SLC4A7: variants seen among roughly 807,000 people sequenced by gnomAD.
The protein encoded by SLC4A7 is sodium bicarbonate cotransporter 3.
SLC4A7 carries 51 observed loss-of-function variants against 137.6 expected under a neutral mutation model. That is an observed-to-expected ratio of 0.37 (90% CI 0.30 to 0.47). The LOEUF (loss-of-function observed/expected upper bound fraction) is 0.47, where lower values mean the gene tolerates loss of function less well. Among genes scored for constraint, SLC4A7 ranks in the 20% least tolerant of loss-of-function variants. The pLI is 1.00. For missense variants in SLC4A7, 1,247 were observed against 1,525.4 expected (o/e 0.82, Z 3.04); for synonymous variants, 542 against 518.6 (o/e 1.05, Z -0.61).
rs889009282 is a variant in SLC4A7, at chr3:27,394,817, T to A, written c.2866-48A>T. On this transcript the variant is annotated intron_variant, in intron 19 of 25. Coordinates refer to ENST00000454389, the MANE Select transcript of SLC4A7 (RefSeq NM_001321103.2). ...ATATCTGTAAGTCTAAATGGTTCCC[T>A]CAATTTAAAATTCTACACGAATTAT... 13 of 1,583,132 alleles carry A rather than the reference T, an allele frequency of 8.2e-6. No individual in the cohort carries two copies. The African/African-American group carries it at 1.6e-4, about 20-fold the overall frequency.
At chr3:27,474,457 A>G (rs2059383843) in intron 1 of SLC4A7, among the ~76,000 whole-genome samples, 1 of 152,216 alleles carries the variant, frequency 6.6e-6, no homozygotes, top group South Asian at 2.1e-4. Context: ...TTTAAAGGTA[A>G]TCCCAGCACT....
chr3:27,385,826 G>A lies in SLC4A7; in HGVS notation c.3492+66C>T, dbSNP rs1576101241. The stretch of plus-strand genomic sequence containing the variant: ...ATTCATGTAAAGTGATTATAATGGT[G>A]CCTGCAATATGGTGCAAAATATTAA... On this transcript the variant is annotated intron_variant, in intron 23 of 25. Coordinates refer to ENST00000454389, the MANE Select transcript of SLC4A7 (RefSeq NM_001321103.2). The A allele has an allele frequency of 3.8e-6, 4 of 1,065,122 alleles. No individual in the cohort carries two copies. In the East Asian group the frequency reaches 7.6e-5, roughly 20 times the overall value. The allele number at this position is 1,065,122 out of a possible 1,614,324, so 66.0% of individuals were successfully genotyped here. A position where few individuals can be genotyped will look rare whatever the true frequency, so the allele number is the denominator to read the frequency against.
At chr3:27,423,509 C>T (rs1264582011) in intron 8 of SLC4A7, 6 of 152,120 alleles carry the variant, frequency 3.9e-5, no homozygotes, top group African/African-American at 1.4e-4. Flanking sequence ...ATAAAAAAAT[C>T]ATAGTTCACA....
chr3:27,426,668 C>T (rs1300620167), intron 7 of SLC4A7, among the ~76,000 whole-genome samples: 1 of 152,164 alleles, frequency 6.6e-6, no homozygotes, highest in Non-Finnish European at 1.5e-5. Flanking sequence ...TCAACATTGA[C>T]AAAGTTAGCA....
rs143347053 is a variant in SLC4A7 at position 27,431,482 on chromosome 3, G to C, written c.966C>G (p.Ser322Arg). The change falls in exon 7 of 26, where the codon AGC (serine) becomes AGG (arginine). Residue 322 changes from serine (S) to arginine (R), a missense_variant. Coordinates refer to ENST00000454389, the MANE Select transcript of SLC4A7 (RefSeq NM_001321103.2). ...VPTPQNSPPS[S>R]PSISRLTSRS... The stretch of plus-strand genomic sequence containing the variant: ...TGGAGGTCAGGCGGCTGATGCTAGG[G>C]CTAGAAGGAGGACTGTTTTGAGGGG... The C allele has an allele frequency of 1.9e-6, 3 of 1,614,164 alleles. No homozygotes were observed. Among genetic ancestry groups the C allele is most frequent in the Non-Finnish European group, 2.5e-6 (3 of 1,180,010 alleles).
intron 1 of SLC4A7, among the ~76,000 whole-genome samples, chr3:27,464,691 T>A (rs1249731072): frequency 3.3e-5 from 5 of 151,148 alleles, no homozygotes; most frequent in African/African-American, 1.2e-4. Flanking sequence ...GGACTCCGTC[T>A]CAAAAAAAAA....
intron 1 of SLC4A7, chr3:27,456,871 C>T: frequency 7.2e-7 from 1 of 1,381,806 alleles, no homozygotes; most frequent in South Asian, 1.8e-5. Flanking sequence ...ATAACTACAA[C>T]TTACACAGGG....
chr3:27,390,765 A>C (rs1269716887), intron 21 of SLC4A7, among the ~76,000 whole-genome samples: 1 of 152,164 alleles, frequency 6.6e-6, no homozygotes, highest in Non-Finnish European at 1.5e-5. Flanking sequence ...CATCCTTTTC[A>C]TGAGAAGAGG....
chr3:27,376,991 A>C (rs1253522908), intron 25 of SLC4A7, 146 bp from the exon 26 acceptor site: 2 of 360,836 alleles, frequency 5.5e-6, no homozygotes, highest in Non-Finnish European at 9.8e-6. Flanking sequence ...TTTCTAAATC[A>C]ATAAACATAA....
At chr3:27,380,472 G>A (rs2050313004) in intron 24 of SLC4A7, among the ~76,000 whole-genome samples, 1 of 151,904 alleles carries the variant, frequency 6.6e-6, no homozygotes, top group African/African-American at 2.4e-5. Flanking sequence ...TAAGTAATAG[G>A]AAAGTATCAT....
intron 20 of SLC4A7, among the ~76,000 whole-genome samples, chr3:27,392,770 G>A (rs185483434): frequency 2.0e-5 from 3 of 151,966 alleles, no homozygotes; most frequent in East Asian, 1.9e-4. Context: ...AGGTTGCAGT[G>A]AGCCAAGATC....
intron 7 of SLC4A7, among the ~76,000 whole-genome samples, chr3:27,429,050 G>A (rs1377644738): frequency 1.3e-5 from 2 of 151,524 alleles, no homozygotes; most frequent in East Asian, 2.0e-4. Flanking sequence ...GGCAGATCAC[G>A]AGGTCAAGAG....
intron 11 of SLC4A7, 54 bp downstream of exon 11, chr3:27,418,432 A>C (rs1321393670): frequency 6.7e-7 from 1 of 1,494,260 alleles, no homozygotes; most frequent in African/African-American, 1.4e-5. Flanking sequence ...ACCTAATCAA[A>C]AAAAATTTTA....
intron 24 of SLC4A7, among the ~76,000 whole-genome samples, chr3:27,382,330 G>T (rs2050507345): frequency 6.6e-6 from 1 of 151,956 alleles, no homozygotes; most frequent in Non-Finnish European, 1.5e-5. Flanking sequence ...GGCCAGGCTG[G>T]TCGTGAACTC....
At chr3:27,397,990 C>G (rs1274961069) in intron 17 of SLC4A7, 193 bp from the exon 18 acceptor site, 1 of 606,708 alleles carries the variant, frequency 1.6e-6, no homozygotes, top group African/African-American at 1.9e-5. Context: ...CGCAACTAAC[C>G]TAGCAACTCT....
intron 11 of SLC4A7, among the ~76,000 whole-genome samples, chr3:27,414,841 C>T (rs575616740): frequency 7.9e-5 from 12 of 152,194 alleles, no homozygotes; most frequent in Non-Finnish European, 1.3e-4. Context: ...TCAACCTCCA[C>T]CTTTTTTGCC....
At chr3:27,395,463 T>C (rs968913008) in intron 18 of SLC4A7, among the ~76,000 whole-genome samples, 1 of 152,140 alleles carries the variant, frequency 6.6e-6, no homozygotes, top group East Asian at 1.9e-4. Context: ...TGCAGCTTCT[T>C]CTCTAACCTG....
chr3:27,482,808 T>A (rs867647949), intron 1 of SLC4A7, among the ~76,000 whole-genome samples: 6 of 152,272 alleles, frequency 3.9e-5, no homozygotes, highest in Non-Finnish European at 4.4e-5. Flanking sequence ...TTATTTAGGA[T>A]GAGTTTCCAG....
At chr3:27,425,625 A>G (rs1193087264) in intron 7 of SLC4A7, among the ~76,000 whole-genome samples, 2 of 143,572 alleles carry the variant, frequency 1.4e-5, no homozygotes, top group African/African-American at 5.1e-5. Flanking sequence ...GCAGTGAGCC[A>G]AGATTGCACC....
Sources: gnomAD v4.1 joint callset for allele counts (sites outside exome capture counted in the v4.1 genomes callset) on GRCh38, gnomAD v4.1.1 for gene constraint, MANE v1.5 for transcripts, NCBI Gene and HGNC (gene_info 2026-07-23, HGNC 2026-07-21) for gene names.